The following ZFHX3 variants were observed in gnomAD, a reference collection of about 807,000 sequenced individuals.
The protein encoded by ZFHX3 is zinc finger homeobox protein 3.
A neutral mutation model predicts 279.1 loss-of-function variants in ZFHX3; 42 were observed. That is an observed-to-expected ratio of 0.15 (90% confidence interval 0.12 to 0.19). The LOEUF (loss-of-function observed/expected upper bound fraction) is 0.19. ZFHX3 is among the 10% of genes least tolerant of loss of function. The probability of loss-of-function intolerance (pLI) is 1.00; values close to 1 mark genes in which losing one functional copy is unlikely to be tolerated. For synonymous variants in ZFHX3, 2,293 were observed against 1,957.8 expected (o/e 1.17, Z -4.52); for missense variants, 4,981 against 4,754.0 (o/e 1.05, Z -1.40).
chr16:72,921,515 G>C (rs369583847), intron 3 of ZFHX3, among the ~76,000 whole-genome samples: 1 of 152,232 alleles, frequency 6.6e-6, no homozygotes, highest in Admixed American at 6.5e-5. Flanking sequence ...AAAGACTCCA[G>C]AAAACAATCA....
intron 2 of ZFHX3, among the ~76,000 whole-genome samples, chr16:73,489,487 G>A (rs1241508839): frequency 1.3e-5 from 2 of 152,098 alleles, no homozygotes; most frequent in Non-Finnish European, 2.9e-5. Context: ...TTTGCCTTTC[G>A]AAGGTCTGGA....
chr16:72,934,823 T>G (rs1239944554), intron 3 of ZFHX3, among the ~76,000 whole-genome samples: 2 of 152,190 alleles, frequency 1.3e-5, no homozygotes, highest in Non-Finnish European at 2.9e-5. Flanking sequence ...AATCCGACAG[T>G]AAATGAAACC....
chr16:73,723,860 G>A (rs1379194526), intron 1 of ZFHX3, among the ~76,000 whole-genome samples: 1 of 152,142 alleles, frequency 6.6e-6, no homozygotes, highest in Non-Finnish European at 1.5e-5. Flanking sequence ...CAAGAAGGGT[G>A]AGGAAGAGGA....
At chr16:73,379,671 G>C (rs2016786926) in intron 3 of ZFHX3, among the ~76,000 whole-genome samples, 1 of 152,166 alleles carries the variant, frequency 6.6e-6, no homozygotes. Context: ...TTTCTGTCTT[G>C]GCATGAAGCA....
At chr16:73,871,347 G>A (rs1191132415) in intron 1 of ZFHX3, among the ~76,000 whole-genome samples, 1 of 152,178 alleles carries the variant, frequency 6.6e-6, no homozygotes, top group Non-Finnish European at 1.5e-5. Flanking sequence ...CTGTCCGCAA[G>A]AAAACTTTAA....
At chr16:73,329,746 A>G (rs549681779) in intron 3 of ZFHX3, among the ~76,000 whole-genome samples, 9 of 152,324 alleles carry the variant, frequency 5.9e-5, no homozygotes, top group African/African-American at 2.2e-4. Context: ...TTAATGGGCA[A>G]ATCTAAGTAG....
chr16:73,206,544 C>T (rs1394260156), intron 5 of ZFHX3, among the ~76,000 whole-genome samples: 3 of 152,162 alleles, frequency 2.0e-5, no homozygotes, highest in South Asian at 2.1e-4. Flanking sequence ...AGTAAGATTT[C>T]TCAATATTTT....
At chr16:73,880,186 G>C (rs2030096685) in intron 1 of ZFHX3, among the ~76,000 whole-genome samples, 1 of 152,076 alleles carries the variant, frequency 6.6e-6, no homozygotes, top group Non-Finnish European at 1.5e-5. Flanking sequence ...ATGGAAGGTC[G>C]CTGTCAGATT....
chr16:73,516,999 G>A (rs12596192), intron 2 of ZFHX3, among the ~76,000 whole-genome samples: 10,716 of 152,186 alleles, frequency 0.07, 426 homozygotes, highest in South Asian at 0.11. Context: ...GATCAACACC[G>A]TGCACATTTA....
At chr16:73,033,236 G>A (rs544343370) in intron 1 of ZFHX3, among the ~76,000 whole-genome samples, 1 of 152,288 alleles carries the variant, frequency 6.6e-6, no homozygotes, top group South Asian at 2.1e-4. Flanking sequence ...ATGACCTGGA[G>A]AGGAGGACAG....
chr16:73,464,302 C>T (rs1258201924), intron 2 of ZFHX3, among the ~76,000 whole-genome samples: 4 of 151,976 alleles, frequency 2.6e-5, no homozygotes, highest in Non-Finnish European at 4.4e-5. Flanking sequence ...TACGAGGAGA[C>T]AATTTGTGCC....
intron 2 of ZFHX3, among the ~76,000 whole-genome samples, chr16:73,538,594 G>C (rs1446120132): frequency 2.0e-5 from 3 of 152,082 alleles, no homozygotes; most frequent in Non-Finnish European, 2.9e-5. Flanking sequence ...AAAAGATCTG[G>C]GAAAGTAACA....
chr16:73,348,770 CT>C (rs2016168226), intron 3 of ZFHX3, among the ~76,000 whole-genome samples: 1 of 152,206 alleles, frequency 6.6e-6, no homozygotes, highest in Non-Finnish European at 1.5e-5. Context: ...GGGAAAGTTC[CT>C]TGTGGATGAC....
intron 4 of ZFHX3, among the ~76,000 whole-genome samples, chr16:72,871,163 T>C (rs2038152064): frequency 6.6e-6 from 1 of 152,154 alleles, no homozygotes; most frequent in Admixed American, 6.5e-5. Context: ...TCTGAAATTA[T>C]ATCAACATTT....
intron 7 of ZFHX3, among the ~76,000 whole-genome samples, chr16:73,100,385 G>C (rs1406296552): frequency 2.0e-5 from 3 of 152,030 alleles, no homozygotes; most frequent in Admixed American, 6.6e-5. Flanking sequence ...TCTCACCAAC[G>C]GGCATGCCTT....
At chr16:73,728,014 T>TGCC (rs1555535408) in intron 1 of ZFHX3, among the ~76,000 whole-genome samples, 1 of 25,268 alleles carries the variant, frequency 4.0e-5, no homozygotes, top group Non-Finnish European at 1.1e-4. Flanking sequence ...AGCCGAATTG[T>TGCC]GCCCCCCCCC....
At chr16:72,824,909 C>A (rs2036895506) in intron 5 of ZFHX3, among the ~76,000 whole-genome samples, 1 of 152,186 alleles carries the variant, frequency 6.6e-6, no homozygotes, top group Non-Finnish European at 1.5e-5. Context: ...GAGAAAACCA[C>A]AAAGTTGGAC....
chr16:73,884,304 T>C (rs1245706741), intron 1 of ZFHX3, among the ~76,000 whole-genome samples: 1 of 152,130 alleles, frequency 6.6e-6, no homozygotes, highest in Non-Finnish European at 1.5e-5. Context: ...AAAAAAAAAT[T>C]GGTTATGTGG....
chr16:73,249,849 C>T (rs1197188495), intron 5 of ZFHX3, among the ~76,000 whole-genome samples: 2 of 151,414 alleles, frequency 1.3e-5, no homozygotes, highest in Non-Finnish European at 2.9e-5. Flanking sequence ...CACACACACA[C>T]AAAATTCAAA....
Sources: gnomAD v4.1 joint callset for allele counts (sites outside exome capture counted in the v4.1 genomes callset) on GRCh38, gnomAD v4.1.1 for gene constraint, MANE v1.5 for transcripts, NCBI Gene and HGNC (gene_info 2026-07-23, HGNC 2026-07-21) for gene names.